PRUNE2: variants seen among roughly 807,000 people sequenced by gnomAD.
PRUNE2 encodes prune homolog 2 with BCH domain, also known as protein prune homolog 2.
In PRUNE2, 164 loss-of-function variants were observed where a neutral mutation model predicts 252.0. That is an observed-to-expected ratio of 0.65 (90% CI 0.57 to 0.74). The LOEUF is 0.74. Ranked by LOEUF, PRUNE2 falls within the 30% of genes least tolerant of loss-of-function variation. PRUNE2 has a pLI of 0.00. For missense variants in PRUNE2, 3,495 were observed against 3,711.0 expected, an observed-to-expected ratio of 0.94 and a Z score of 1.51; for synonymous variants, 1,292 against 1,350.2, an observed-to-expected ratio of 0.96 and a Z score of 0.94.
chr9:76,831,972 T>C (rs1355836263), intron 4 of PRUNE2, among the ~76,000 whole-genome samples: 1 of 152,132 alleles, frequency 6.6e-6, no homozygotes, highest in Non-Finnish European at 1.5e-5. Flanking sequence ...AATATGCTAA[T>C]ATCAAACAAA....
intron 9 of PRUNE2, among the ~76,000 whole-genome samples, chr9:76,656,101 G>C (rs1325983224): frequency 6.6e-6 from 1 of 152,198 alleles, no homozygotes; most frequent in African/African-American, 2.4e-5. Flanking sequence ...TGTTGGTGAA[G>C]ATGGCTCTGG....
intron 4 of PRUNE2, among the ~76,000 whole-genome samples, chr9:76,834,053 T>A (rs1323395377): frequency 6.6e-6 from 1 of 151,790 alleles, no homozygotes; most frequent in Non-Finnish European, 1.5e-5. Flanking sequence ...TGGCTAATTT[T>A]TGTATTTTTA....
At chr9:76,652,001 C>A (rs1462814643) in intron 11 of PRUNE2, 1 of 152,466 alleles carries the variant, frequency 6.6e-6, no homozygotes, top group Non-Finnish European at 1.5e-5. Flanking sequence ...TTACAGAGGT[C>A]AAGGAAGACT....
chr9:76,824,689 A>T (rs1336081373), intron 5 of PRUNE2, among the ~76,000 whole-genome samples: 1 of 152,156 alleles, frequency 6.6e-6, no homozygotes, highest in East Asian at 1.9e-4. Flanking sequence ...TGGGAGGAAG[A>T]TCTATAATAA....
At chr9:76,686,585 G>A (rs1337858242) in intron 9 of PRUNE2, among the ~76,000 whole-genome samples, 2 of 152,044 alleles carry the variant, frequency 1.3e-5, no homozygotes, top group Admixed American at 6.6e-5. Context: ...TCTCCAAGTA[G>A]TTGGGACCAC....
Position 76,709,406 on chromosome 9 carries a change from T to C in PRUNE2, c.2868A>G (p.Glu956=), listed in dbSNP as rs1369160271. ...TATCTAAGGGGGAAGGCACCGAATC[T>C]TCTCCTAGGTTGGATGCACTGTAAT... ...CSDYSASNLG[E]DSVPSPLDTN... is the part of the protein sequence containing the mutation. The change falls in exon 8 of 19, where the codon GAA becomes GAG. Residue 956 remains glutamate (E), a synonymous_variant. Transcript: ENST00000376718. 1.2e-6 allele frequency: 2 copies of C among 1,613,934 alleles called. No homozygotes were observed. The highest frequency in any genetic ancestry group is 1.7e-6 in the Non-Finnish European group (2 of 1,179,912).
At chr9:76,793,306 A>G (rs2055737253) in intron 6 of PRUNE2, among the ~76,000 whole-genome samples, 1 of 152,230 alleles carries the variant, frequency 6.6e-6, no homozygotes, top group African/African-American at 2.4e-5. Context: ...AACAATAAAC[A>G]TGATCGTTAT....
At chr9:76,674,349 G>A (rs1436083021) in intron 9 of PRUNE2, among the ~76,000 whole-genome samples, 1 of 151,954 alleles carries the variant, frequency 6.6e-6, no homozygotes, top group Non-Finnish European at 1.5e-5. Context: ...AACTTACAAG[G>A]GATGTGAAGG....
In PRUNE2 at chr9:76,693,036, T is replaced by C. The variant is rs984447673; in HGVS notation, c.8276+10301A>G. ...GGTAAGATAACCTATGTAGAGACTC[T>C]GGGTTAAAATAAACTCACAGTACAT... On this transcript the variant is annotated intron_variant, in intron 9 of 18. Transcript: ENST00000376718. 2.7e-5 allele frequency: 4 copies of C among 147,122 alleles called. No individual in the cohort carries two copies. In the East Asian group the frequency reaches 8.4e-4, roughly 31 times the overall value. The allele number at this position is 147,122 out of a possible 1,614,324, so 9.1% of individuals were successfully genotyped here.
chr9:76,697,033 T>C lies in PRUNE2; in HGVS notation c.8276+6304A>G, dbSNP rs542250813. On this transcript the variant is annotated intron_variant, in intron 9 of 18. Coordinates refer to ENST00000376718, the MANE Select transcript of PRUNE2 (RefSeq NM_015225.3). ...CTCTCAAATTTTCCTAATTTGAATGTGTCATCACTTTCTTGCTGTGCCCCT... is the reference window on the plus strand; with the variant it reads ...CTCTCAAATTTTCCTAATTTGAATGCGTCATCACTTTCTTGCTGTGCCCCT... Among the ~76,000 whole-genome samples the C allele has an allele frequency of 3.9e-5, 6 of 152,378 alleles. No individual in the cohort carries two copies. The South Asian group carries it at 1.2e-3, about 32-fold the overall frequency.
intron 1 of PRUNE2, among the ~76,000 whole-genome samples, chr9:76,889,920 G>A (rs1372948328): frequency 6.6e-6 from 1 of 152,172 alleles, no homozygotes; most frequent in African/African-American, 2.4e-5. Flanking sequence ...CAAAATCCCG[G>A]GTTCTACCCC....
Position 76,710,007 on chromosome 9 carries a change from T to C in PRUNE2, c.2267A>G (p.Gln756Arg). The change falls in exon 8 of 19, where the codon CAA (glutamine) becomes CGA (arginine). Residue 756 changes from glutamine (Q) to arginine (R), a missense_variant. Coordinates refer to ENST00000376718, the MANE Select transcript of PRUNE2 (RefSeq NM_015225.3). ...EKSPLPNTSPQGTNHLIEDFA... is the reference protein window; with the variant it reads ...EKSPLPNTSPRGTNHLIEDFA... ...GTCTTCTATCAGGTGGTTTGTTCCT[T>C]GGGGAGATGTATTTGGCAAAGGTGA... 6.2e-7 allele frequency: 1 copy of C among 1,613,780 alleles called. No homozygotes were observed. Among genetic ancestry groups the C allele is most frequent in the Non-Finnish European group, 8.5e-7 (1 of 1,179,810 alleles).
intron 9 of PRUNE2, among the ~76,000 whole-genome samples, chr9:76,674,361 C>A (rs2042109228): frequency 6.6e-6 from 1 of 152,060 alleles, no homozygotes; most frequent in Non-Finnish European, 1.5e-5. Context: ...ATGTGAAGGA[C>A]CTCTTCAAGG....
At chr9:76,878,372 A>C (rs561054807) in intron 1 of PRUNE2, among the ~76,000 whole-genome samples, 1 of 152,180 alleles carries the variant, frequency 6.6e-6, no homozygotes, top group African/African-American at 2.4e-5. Flanking sequence ...TGAAGAAGCG[A>C]TTGCCCTCTT....
intron 6 of PRUNE2, among the ~76,000 whole-genome samples, chr9:76,798,693 A>G (rs1367172468): frequency 6.6e-6 from 1 of 152,216 alleles, no homozygotes; most frequent in Non-Finnish European, 1.5e-5. Context: ...CCTACACCAG[A>G]GCACCTTACA....
intron 6 of PRUNE2, chr9:76,785,543 C>T (rs1308634474): frequency 6.6e-6 from 1 of 152,168 alleles, no homozygotes; most frequent in African/African-American, 2.4e-5. Flanking sequence ...CAAAGGTAAC[C>T]TTTATCCATT....
At chr9:76,759,255 C>T (rs906261613) in intron 6 of PRUNE2, 4 of 152,224 alleles carry the variant, frequency 2.6e-5, no homozygotes, top group Non-Finnish European at 5.9e-5. Context: ...ACTGTGAACT[C>T]ATACTTACCT....
intron 11 of PRUNE2, among the ~76,000 whole-genome samples, chr9:76,646,696 T>C (rs1425297165): frequency 6.6e-6 from 1 of 152,172 alleles, no homozygotes; most frequent in Non-Finnish European, 1.5e-5. Flanking sequence ...CCCAGAACTC[T>C]GGATTCTGAA....
chr9:76,751,006 GATTA>G (rs1313314552), intron 6 of PRUNE2, among the ~76,000 whole-genome samples: 1 of 152,146 alleles, frequency 6.6e-6, no homozygotes, highest in Non-Finnish European at 1.5e-5. Flanking sequence ...GGAAAGAAAT[GATTA>G]ATGTTCAACA....
Sources: allele counts gnomAD v4.1 joint callset (sites outside exome capture counted in the v4.1 genomes callset), GRCh38; gene constraint gnomAD v4.1.1; transcripts MANE v1.5; gene names NCBI Gene and HGNC (gene_info 2026-07-23, HGNC 2026-07-21).